SDK2: variants seen among roughly 807,000 people sequenced by gnomAD.
The protein encoded by SDK2 is protein sidekick-2.
A neutral mutation model predicts 253.9 loss-of-function variants in SDK2; 105 were observed. The observed-to-expected ratio is 0.41, with a 90% CI of 0.35 to 0.49. The LOEUF (loss-of-function observed/expected upper bound fraction) is 0.49. Among genes scored for constraint, SDK2 ranks in the 20% least tolerant of loss-of-function variants. SDK2 has a pLI of 0.06. For synonymous variants in SDK2, 1,249 were observed against 1,234.9 expected, an observed-to-expected ratio of 1.01 and a Z score of -0.24; for missense variants, 2,608 against 3,003.0, an observed-to-expected ratio of 0.87 and a Z score of 3.07.
intron 1 of SDK2, among the ~76,000 whole-genome samples, chr17:73,555,764 C>T (rs529713854): frequency 5.3e-5 from 8 of 152,142 alleles, no homozygotes; most frequent in Non-Finnish European, 1.2e-4. Flanking sequence ...CCAAAGCTGC[C>T]GGAGCCACTT....
intron 2 of SDK2, among the ~76,000 whole-genome samples, chr17:73,480,036 A>G (rs2145709011): frequency 6.6e-6 from 1 of 152,288 alleles, no homozygotes; most frequent in Non-Finnish European, 1.5e-5. Context: ...TAAGCCTAGT[A>G]CCCAATAGTT....
chr17:73,609,250 G>A lies in SDK2; in HGVS notation c.64+34775C>T, dbSNP rs891735847. ...TCTGGGCTGGAGGGAATACACATGG[G>A]TATCGCAGGCAGAGGTTGGATGAGA... On this transcript the variant is annotated intron_variant, in intron 1 of 44. Coordinates refer to ENST00000392650, the MANE Select transcript of SDK2 (RefSeq NM_001144952.2). The surrounding 1 kb of genome is among the most constrained non-coding windows in gnomAD (Gnocchi z 4.4). 2.0e-5 allele frequency among the ~76,000 whole-genome samples: 3 copies of A among 152,138 alleles called. No individual in the cohort carries two copies. The highest frequency in any genetic ancestry group is 7.2e-5 in the African/African-American group (3 of 41,418).
chr17:73,341,712 G>A (rs1349618406), intron 44 of SDK2, among the ~76,000 whole-genome samples: 1 of 152,174 alleles, frequency 6.6e-6, no homozygotes, highest in Admixed American at 6.5e-5. Context: ...TGAGATGCAC[G>A]GCTTGTTCTC....
chr17:73,452,525 A>G (rs2063496838), intron 4 of SDK2, among the ~76,000 whole-genome samples: 1 of 152,102 alleles, frequency 6.6e-6, no homozygotes. Context: ...TCCTGGTGCC[A>G]CAGGGTTGTG....
Position 73,640,419 on chromosome 17 carries a change from C to A in SDK2, c.64+3606G>T, listed in dbSNP as rs887649851. On this transcript the variant is annotated intron_variant, in intron 1 of 44. Transcript: ENST00000392650. ...AGCTGTATCCCTCATCTAACCACTG[C>A]CAGAATGTTCCGGACTCCCCCGCGG... Among the ~76,000 whole-genome samples, 4 of 152,068 alleles carry A rather than the reference C, an allele frequency of 2.6e-5. 1 individual carries two copies.
chr17:73,631,872 T>C (rs530183916), intron 1 of SDK2, among the ~76,000 whole-genome samples: 7 of 152,324 alleles, frequency 4.6e-5, no homozygotes, highest in African/African-American at 1.7e-4. Flanking sequence ...CCCAAACCTC[T>C]GACTAAGAGA....
chr17:73,402,222 T>A, intron 18 of SDK2, 81 bp from the exon 19 acceptor site: 2 of 1,433,982 alleles, frequency 1.4e-6, no homozygotes, highest in Non-Finnish European at 1.9e-6. Context: ...GCTGGGCCAA[T>A]CAACAGATGG....
chr17:73,350,148 GGC>G, intron 43 of SDK2, 87 bp downstream of exon 43: 1 of 1,230,578 alleles, frequency 8.1e-7, no homozygotes. Context: ...TGGCCAGGTG[GGC>G]ACTCCCTGCT....
intron 2 of SDK2, among the ~76,000 whole-genome samples, chr17:73,479,377 G>A (rs370424929): frequency 1.3e-5 from 2 of 152,340 alleles, no homozygotes. Flanking sequence ...ACACCTGTGA[G>A]CACACACTGG....
At chr17:73,483,131 T>C (rs2063737255) in intron 2 of SDK2, among the ~76,000 whole-genome samples, 1 of 151,854 alleles carries the variant, frequency 6.6e-6, no homozygotes, top group Non-Finnish European at 1.5e-5. Flanking sequence ...TGCTCTGCGG[T>C]AGGTCTTCTC....
At chr17:73,468,129 G>A (rs2063616085) in intron 3 of SDK2, among the ~76,000 whole-genome samples, 1 of 152,182 alleles carries the variant, frequency 6.6e-6, no homozygotes, top group African/African-American at 2.4e-5. Flanking sequence ...GTAGTGGAGG[G>A]GCAGGGCCGG....
At chr17:73,392,470 T>C (rs1186852898) in intron 27 of SDK2, among the ~76,000 whole-genome samples, 1 of 152,070 alleles carries the variant, frequency 6.6e-6, no homozygotes, top group Non-Finnish European at 1.5e-5. Context: ...GGTTTTACCA[T>C]GTTGGCCAGG....
chr17:73,550,943 G>C (rs1023931448), intron 1 of SDK2, among the ~76,000 whole-genome samples: 10 of 152,160 alleles, frequency 6.6e-5, no homozygotes, highest in Non-Finnish European at 1.2e-4. Flanking sequence ...GGAAGGGAGA[G>C]ACCCCAGCTT....
intron 2 of SDK2, among the ~76,000 whole-genome samples, chr17:73,488,761 G>A (rs1013580481): frequency 6.6e-6 from 1 of 152,188 alleles, no homozygotes; most frequent in African/African-American, 2.4e-5. Context: ...CATTTAATAT[G>A]TGTAAAATTG....
At chr17:73,349,058 GCA>G (rs2062511134) in intron 43 of SDK2, among the ~76,000 whole-genome samples, 1 of 152,208 alleles carries the variant, frequency 6.6e-6, no homozygotes, top group Non-Finnish European at 1.5e-5. Context: ...GGCTTTGGGG[GCA>G]CACAGGGGCC....
rs187753785 is a variant in SDK2, at chr17:73,342,074, G to A, written c.6166-3134C>T. Reference sequence around the variant, plus strand: ...TGCCTGGAGACCACAGGATGGGAACGAGAGCTCCCCCCAAACCCCCCACCC... The same window carrying A: ...TGCCTGGAGACCACAGGATGGGAACAAGAGCTCCCCCCAAACCCCCCACCC... On this transcript the variant is annotated intron_variant, in intron 44 of 44. Transcript: ENST00000392650. 2.9e-3 allele frequency among the ~76,000 whole-genome samples: 435 copies of A among 152,026 alleles called. 1 individual carries two copies. The highest frequency in any genetic ancestry group is 0.01 in the African/African-American group (420 of 41,458).
Position 73,395,685 on chromosome 17 carries a change from G to A in SDK2, c.3355-293C>T, listed in dbSNP as rs748451245. On this transcript the variant is annotated intron_variant, in intron 24 of 44. Transcript: ENST00000392650. The surrounding 1 kb of genome is among the most constrained non-coding windows in gnomAD (Gnocchi z 4.3). ...GGGAGTCAGGAGCCACAAAGGCTGT[G>A]TGTCTGACACACCGATAGCACCGCC... Among the ~76,000 whole-genome samples, 3 of 152,220 alleles carry A rather than the reference G, an allele frequency of 2.0e-5. No homozygotes were observed. Among genetic ancestry groups the A allele is most frequent in the Non-Finnish European group, 4.4e-5 (3 of 68,042 alleles).
chr17:73,379,352 T>C lies in SDK2; in HGVS notation c.4865-60A>G. 1.9e-6 allele frequency: 1 copy of C among 516,822 alleles called. No homozygotes were observed. The highest frequency in any genetic ancestry group is 2.4e-5 in the Admixed American group (1 of 41,224). 32.0% of individuals were successfully genotyped at this position (516,822 alleles called of 1,614,324 possible). A position where few individuals can be genotyped will look rare whatever the true frequency, so the allele number is the denominator to read the frequency against. On this transcript the variant is annotated intron_variant, in intron 35 of 44. Transcript: ENST00000392650. The surrounding 1 kb of genome is among the most constrained non-coding windows in gnomAD (Gnocchi z 4.5). ...AGTAAACCTGGGAGGGGAGGTGGGCTGGGCGGGATGGGGAGCCCAGATCCC... is the reference window on the plus strand; with the variant it reads ...AGTAAACCTGGGAGGGGAGGTGGGCCGGGCGGGATGGGGAGCCCAGATCCC...
chr17:73,569,518 GC>G (rs925906967), intron 1 of SDK2, among the ~76,000 whole-genome samples: 10 of 151,678 alleles, frequency 6.6e-5, no homozygotes, highest in African/African-American at 2.2e-4. Flanking sequence ...TTGTATTCGT[GC>G]CTATTAACCC....
Sources: allele counts gnomAD v4.1 joint callset (sites outside exome capture counted in the v4.1 genomes callset), GRCh38; gene constraint gnomAD v4.1.1; non-coding constraint Gnocchi (gnomAD v3.1); transcripts MANE v1.5; gene names NCBI Gene and HGNC (gene_info 2026-07-23, HGNC 2026-07-21).